Variants in TCF20 observed in about 807,000 individuals in gnomAD.
TCF20 encodes the protein transcription factor 20.
A neutral mutation model predicts 148.6 loss-of-function variants in TCF20; 3 were observed. That is an observed-to-expected ratio of 0.02 (90% CI 0.01 to 0.05). The LOEUF (loss-of-function observed/expected upper bound fraction) is 0.05. TCF20 is among the 10% of genes least tolerant of loss of function. The pLI, the probability that TCF20 is intolerant of heterozygous loss-of-function variation, is 1.00. For synonymous variants in TCF20, 1,049 were observed against 909.5 expected (o/e 1.15, Z -2.76); for missense variants, 2,350 against 2,429.3 (o/e 0.97, Z 0.69).
At chr22:42,316,071 G>C (rs1194989184) in intron 1 of TCF20, among the ~76,000 whole-genome samples, 2 of 138,174 alleles carry the variant, frequency 1.4e-5, no homozygotes, top group Non-Finnish European at 3.0e-5. Context: ...TCGCGCCACT[G>C]CACTCCAGTC....
intron 3 of TCF20, among the ~76,000 whole-genome samples, chr22:42,178,580 T>C (rs985928040): frequency 3.6e-5 from 5 of 140,300 alleles, no homozygotes; most frequent in Non-Finnish European, 7.7e-5. Context: ...GAATTACAAA[T>C]AATTCTTTTT....
At chr22:42,220,231 T>C (rs2147243611) in intron 1 of TCF20, among the ~76,000 whole-genome samples, 1 of 152,292 alleles carries the variant, frequency 6.6e-6, no homozygotes, top group African/African-American at 2.4e-5. Context: ...TGCAGTGGCA[T>C]GACCACAGGC....
intron 1 of TCF20, among the ~76,000 whole-genome samples, chr22:42,258,116 T>A (rs1925840365): frequency 2.6e-5 from 4 of 152,186 alleles, no homozygotes; most frequent in Admixed American, 2.6e-4. Context: ...CTGACCAGTT[T>A]CTCTAAAATC....
rs748821745 is a variant in TCF20, at chr22:42,211,511, G to A, written c.3795C>T (p.Pro1265=). The A allele has an allele frequency of 1.2e-6, 2 of 1,614,164 alleles. No homozygotes were observed. Among genetic ancestry groups the A allele is most frequent in the South Asian group, 2.2e-5 (2 of 91,078 alleles). Residue 1265 remains proline, a synonymous_variant, in exon 2 of 6, where the codon CCC becomes CCT. Transcript: ENST00000677622. ...RRVRSFISPI[P]SKRQSQDVKN... ...TTACATCTTGTGACTGTCTCTTACTGGGAATGGGAGAGATAAAAGAACGAA... is the reference window on the plus strand; with the variant it reads ...TTACATCTTGTGACTGTCTCTTACTAGGAATGGGAGAGATAAAAGAACGAA...
chr22:42,305,106 C>A lies in TCF20; in HGVS notation c.-37+38373G>T, dbSNP rs377472874. Among the ~76,000 whole-genome samples the A allele has an allele frequency of 8.1e-4, 123 of 152,136 alleles. 1 individual carries two copies. In the South Asian group the frequency reaches 0.013, roughly 16 times the overall value. On this transcript the variant is annotated intron_variant, in intron 1 of 1. Transcript: ENST00000515426. ...AGAAAGCAGGACCTGAACTAAATAA[C>A]CCCCTGGAGCCCCTCCCCATGCAGT...
At chr22:42,229,638 C>T (rs1315892173) in intron 1 of TCF20, among the ~76,000 whole-genome samples, 1 of 152,180 alleles carries the variant, frequency 6.6e-6, no homozygotes, top group Non-Finnish European at 1.5e-5. Flanking sequence ...ATACTGCTCA[C>T]TATTGGCCAA....
chr22:42,165,317 G>A (rs995151734), intron 5 of TCF20, among the ~76,000 whole-genome samples: 2 of 152,244 alleles, frequency 1.3e-5, no homozygotes, highest in African/African-American at 4.8e-5. Context: ...GCTGTTCTGT[G>A]CAGGGTACAT....
At chr22:42,270,686 G>A (rs1378023354), upstream of TCF20, among the ~76,000 whole-genome samples, 1 of 142,410 alleles carries the variant, frequency 7.0e-6, no homozygotes, top group Non-Finnish European at 1.6e-5. Context: ...GGCCAATGGG[G>A]AGGCTCCGGG....
chr22:42,248,757 T>C (rs1194220180), intron 1 of TCF20, among the ~76,000 whole-genome samples: 13 of 152,182 alleles, frequency 8.5e-5, no homozygotes, highest in Non-Finnish European at 1.9e-4. Flanking sequence ...GGAATTTGCA[T>C]AGTTTTGGTT....
chr22:42,203,561 A>C (rs1242869149), intron 2 of TCF20, among the ~76,000 whole-genome samples: 1 of 152,184 alleles, frequency 6.6e-6, no homozygotes, highest in Non-Finnish European at 1.5e-5. Context: ...TTCTCTGGAA[A>C]TTTAGTGTCA....
At chr22:42,235,011 G>A (rs931998132) in intron 1 of TCF20, among the ~76,000 whole-genome samples, 10 of 151,968 alleles carry the variant, frequency 6.6e-5, no homozygotes, top group African/African-American at 1.7e-4. Flanking sequence ...GCATAGTGGC[G>A]CATGCCTGTA....
intron 5 of TCF20, among the ~76,000 whole-genome samples, chr22:42,164,208 CTTTCT>C (rs1296414380): frequency 2.3e-4 from 27 of 118,560 alleles, no homozygotes; most frequent in Non-Finnish European, 2.5e-4. Flanking sequence ...GCACTCATTT[CTTTCT>C]TTTTTTTTTT....
At position 42,212,261 on chromosome 22, in the gene TCF20, T is replaced by C; in HGVS notation, c.3045A>G (p.Lys1015=). The C allele has an allele frequency of 6.2e-7, 1 of 1,614,174 alleles. No individual in the cohort carries two copies. The change falls in exon 2 of 6, where the codon AAA becomes AAG. Residue 1015 remains lysine, a synonymous_variant. Coordinates refer to ENST00000677622, the MANE Select transcript of TCF20 (RefSeq NM_001378418.1). Reference sequence around the variant, plus strand: ...TGCTCCGCCCAGGAGACATTTTCAATTTTTCTGCAAAGTCATGATATTGAG... The same window carrying C: ...TGCTCCGCCCAGGAGACATTTTCAACTTTTCTGCAAAGTCATGATATTGAG... The part of the protein sequence containing the change: ...SPSQYHDFAE[K]LKMSPGRSRG...
At chr22:42,332,315 T>C (rs935605736) in intron 1 of TCF20, among the ~76,000 whole-genome samples, 1 of 152,046 alleles carries the variant, frequency 6.6e-6, no homozygotes, top group Non-Finnish European at 1.5e-5. Flanking sequence ...GCTCAGGGCT[T>C]TTGAGAACAA....
intron 1 of TCF20, among the ~76,000 whole-genome samples, chr22:42,242,108 C>T (rs891253312): frequency 1.4e-5 from 2 of 143,794 alleles, no homozygotes; most frequent in African/African-American, 5.2e-5. Flanking sequence ...GAGGCCGAGG[C>T]AGAAGAATCA....
intron 1 of TCF20, among the ~76,000 whole-genome samples, chr22:42,248,182 C>T (rs993047275): frequency 2.0e-5 from 3 of 152,164 alleles, no homozygotes; most frequent in African/African-American, 4.8e-5. Context: ...CTCATGTGGG[C>T]GCTGCCTGGG....
intron 1 of TCF20, chr22:42,278,460 G>A (rs950069308): frequency 1.3e-5 from 2 of 152,246 alleles, no homozygotes; most frequent in African/African-American, 2.4e-5. Context: ...ATTGTAAAGT[G>A]ACATATTTCC....
upstream of TCF20, among the ~76,000 whole-genome samples, chr22:42,288,508 C>A (rs1189447045): frequency 7.0e-6 from 1 of 143,812 alleles, no homozygotes; most frequent in Non-Finnish European, 1.5e-5. Flanking sequence ...TGTACTCTAA[C>A]CTGGCAATAG....
At chr22:42,288,639 C>T (rs1474323597), upstream of TCF20, among the ~76,000 whole-genome samples, 1 of 139,340 alleles carries the variant, frequency 7.2e-6, no homozygotes, top group African/African-American at 2.8e-5. Flanking sequence ...GGGAGGGAGG[C>T]AGAGGTTGCA....
Sources: allele counts gnomAD v4.1 joint callset (sites outside exome capture counted in the v4.1 genomes callset), GRCh38; gene constraint gnomAD v4.1.1; transcripts MANE v1.5; gene names NCBI Gene and HGNC (gene_info 2026-07-23, HGNC 2026-07-21).